CREBRF: variants seen among roughly 807,000 people sequenced by gnomAD.
The protein encoded by CREBRF is CREB3 regulatory factor.
Under a neutral mutation model 66.1 loss-of-function variants are expected in CREBRF, and 5 were observed. That is an observed-to-expected ratio of 0.08 (90% CI 0.04 to 0.16). The LOEUF is 0.16. Among genes scored for constraint, CREBRF ranks in the 10% least tolerant of loss-of-function variants. CREBRF has a pLI of 1.00. For missense variants in CREBRF, 531 were observed against 744.9 expected (o/e 0.71, Z 3.34); for synonymous variants, 229 against 264.4 (o/e 0.87, Z 1.30).
intron 7 of CREBRF, among the ~76,000 whole-genome samples, chr5:173,115,676 C>T (rs1444305828): frequency 6.6e-6 from 1 of 151,446 alleles, no homozygotes; most frequent in Non-Finnish European, 1.5e-5. Context: ...CTCGCTCTGT[C>T]GCCCAAGCTG....
Position 173,084,986 on chromosome 5 carries a change from A to G in CREBRF, c.10-1515A>G, listed in dbSNP as rs376129136. Among the ~76,000 whole-genome samples the G allele has an allele frequency of 2.0e-5, 3 of 151,434 alleles. No homozygotes were observed. In the East Asian group the frequency reaches 5.9e-4, roughly 30 times the overall value. On this transcript the variant is annotated intron_variant, in intron 2 of 8. Transcript: ENST00000296953. ...AGATGGAGTTTCGCTCTTGTTGCCC[A>G]GACTGGAGTGCAATGGCACAATTTC...
chr5:173,091,194 C>G lies in CREBRF; in HGVS notation c.1015C>G (p.Leu339Val), dbSNP rs1758325551. The G allele has an allele frequency of 1.2e-6, 2 of 1,614,084 alleles. No homozygotes were observed. The highest frequency in any genetic ancestry group is 1.7e-6 in the Non-Finnish European group (2 of 1,180,042). The change falls in exon 4 of 9, where the codon CTT (leucine) becomes GTT (valine). Residue 339 changes from leucine (L) to valine (V), a missense_variant. Physicochemically the swap from Leu to Val is conservative, Grantham distance 32. Around this residue, in one of 5 missense-constraint regions of CREBRF, gnomAD observed 309 missense variants for 341.4 expected, o/e 0.90. Transcript: ENST00000296953. ...GAAAAAAGAAGAGCACAATTATTCT[C>G]TTTTTGTCTCCGACAACTTGGGTGA... ...SQKKEEHNYS[L>V]FVSDNLGEQP...
At chr5:173,116,524 T>G (rs966799616) in intron 7 of CREBRF, among the ~76,000 whole-genome samples, 5 of 152,190 alleles carry the variant, frequency 3.3e-5, no homozygotes, top group Non-Finnish European at 5.9e-5. Context: ...AGCATAATTA[T>G]TTAAAAATTC....
At chr5:173,059,287 G>C (rs377650609) in intron 1 of CREBRF, among the ~76,000 whole-genome samples, 2 of 99,518 alleles carry the variant, frequency 2.0e-5, no homozygotes, top group East Asian at 4.8e-4. Flanking sequence ...TTTTTGAGAC[G>C]GAGTTTCGCC....
At position 173,091,259 on chromosome 5, in the gene CREBRF, C is replaced by G. The variant is rs758236862; in HGVS notation, c.1080C>G (p.Asp360Glu). 1.2e-6 allele frequency: 2 copies of G among 1,613,610 alleles called. No homozygotes were observed. The highest frequency in any genetic ancestry group is 2.2e-5 in the South Asian group (2 of 91,042). The change falls in exon 4 of 9, where the codon GAC becomes GAG. Residue 360 changes from aspartate to glutamate, a missense_variant. Around this residue, in one of 5 missense-constraint regions of CREBRF, gnomAD observed 309 missense variants for 341.4 expected, o/e 0.90. Coordinates refer to ENST00000296953, the MANE Select transcript of CREBRF (RefSeq NM_153607.3). The part of the protein sequence containing the change: ...TKCSPEEDEE[D>E]EEDVDDEDHD... ...GCAGTCCTGAAGAAGATGAGGAGGA[C>G]GAGGAGGATGTTGATGATGAGGACC...
At chr5:173,086,943 ATTTTG>A (rs1758166171) in intron 3 of CREBRF, among the ~76,000 whole-genome samples, 1 of 98,418 alleles carries the variant, frequency 1.0e-5, no homozygotes, top group African/African-American at 4.1e-5. Context: ...CATCCAACTA[ATTTTG>A]TTTTTTTTTT....
intron 4 of CREBRF, chr5:173,092,199 A>C: frequency 2.1e-6 from 2 of 957,572 alleles, no homozygotes; most frequent in Non-Finnish European, 2.5e-6. Context: ...GGTTTATATT[A>C]CTCATTCCAA....
At position 173,135,345 on chromosome 5, in the gene CREBRF, G is replaced by T. The variant is rs2113818724; in HGVS notation, c.*1600G>T. 1 of 152,466 alleles carries T rather than the reference G, an allele frequency of 6.6e-6. No individual in the cohort carries two copies. The highest frequency in any genetic ancestry group is 6.5e-5 in the Admixed American group (1 of 15,276). The allele number at this position is 152,466 out of a possible 1,614,324, so 9.4% of individuals were successfully genotyped here. A position where few individuals can be genotyped will look rare whatever the true frequency, so the allele number is the denominator to read the frequency against. On this transcript the variant is annotated 3_prime_UTR_variant, in exon 9 of 9. Coordinates refer to ENST00000296953, the MANE Select transcript of CREBRF (RefSeq NM_153607.3). Reference sequence around the variant, plus strand: ...TGCTCTTTTTTGCTCATATAAAACAGCTTCATTAGTCAGTGTTTTAACTGT... The same window carrying T: ...TGCTCTTTTTTGCTCATATAAAACATCTTCATTAGTCAGTGTTTTAACTGT...
At chr5:173,086,357 A>G (rs1758146807) in intron 2 of CREBRF, 144 bp from the exon 3 acceptor site, 1 of 732,642 alleles carries the variant, frequency 1.4e-6, no homozygotes. Context: ...AAGCTCTTAA[A>G]TATACTATAC....
chr5:173,100,850 C>CT (rs771815515), intron 4 of CREBRF, among the ~76,000 whole-genome samples: 1 of 152,122 alleles, frequency 6.6e-6, no homozygotes, highest in Non-Finnish European at 1.5e-5. Context: ...TTCTGGGAGT[C>CT]TTTTTTGTTT....
intron 4 of CREBRF, among the ~76,000 whole-genome samples, chr5:173,100,453 C>T (rs1758601669): frequency 6.6e-6 from 1 of 150,736 alleles, no homozygotes; most frequent in East Asian, 1.9e-4. Flanking sequence ...GAGATGGAGT[C>T]TCACTCTCTC....
intron 4 of CREBRF, among the ~76,000 whole-genome samples, chr5:173,101,014 T>G (rs879203887): frequency 1.3e-5 from 2 of 152,098 alleles, no homozygotes; most frequent in Admixed American, 1.3e-4. Context: ...TTTTTTTCAT[T>G]TGTGAAGGAC....
chr5:173,074,892 A>T (rs1176164584), intron 1 of CREBRF, among the ~76,000 whole-genome samples: 2 of 152,204 alleles, frequency 1.3e-5, no homozygotes, highest in Admixed American at 6.5e-5. Flanking sequence ...AAGTGTTGGG[A>T]TTACAGGCAT....
intron 1 of CREBRF, among the ~76,000 whole-genome samples, chr5:173,059,256 C>CTTTTTTTTTTTTTTTTTTTTT (rs780723745): frequency 1.7e-5 from 2 of 117,644 alleles, no homozygotes; most frequent in Non-Finnish European, 1.8e-5. Flanking sequence ...TCTTCTTTTT[C>CTTTTTTTTTTTTTTTTTTTTT]TTTTTTTTCT....
At chr5:173,063,722 C>A (rs749275255) in intron 1 of CREBRF, among the ~76,000 whole-genome samples, 38 of 149,840 alleles carry the variant, frequency 2.5e-4, no homozygotes, top group African/African-American at 3.4e-4. Context: ...AATTTTTGTT[C>A]TTTTTGACTT....
chr5:173,112,467 T>G, intron 7 of CREBRF, 88 bp downstream of exon 7: 1 of 932,334 alleles, frequency 1.1e-6, no homozygotes, highest in South Asian at 1.6e-5. Flanking sequence ...TTGCTTTCGC[T>G]GTATTCTGCC....
intron 1 of CREBRF, among the ~76,000 whole-genome samples, chr5:173,063,119 C>T (rs554606199): frequency 1.6e-3 from 242 of 152,230 alleles, no homozygotes; most frequent in African/African-American, 5.6e-3. Flanking sequence ...GAGTTTGACG[C>T]AGGGTGCGGC....
intron 4 of CREBRF, among the ~76,000 whole-genome samples, chr5:173,103,024 T>C (rs1006478986): frequency 1.3e-5 from 2 of 152,226 alleles, no homozygotes; most frequent in African/African-American, 4.8e-5. Context: ...CATTTTTATT[T>C]TCTCATCCCT....
chr5:173,127,852 C>T (rs1050562864), intron 8 of CREBRF, among the ~76,000 whole-genome samples: 19 of 152,112 alleles, frequency 1.2e-4, no homozygotes, highest in African/African-American at 4.6e-4. Context: ...AAATTACTTC[C>T]TCCTGGGCCT....
Sources: allele counts gnomAD v4.1 joint callset (sites outside exome capture counted in the v4.1 genomes callset), GRCh38; gene constraint gnomAD v4.1.1; regional missense constraint gnomAD v4.1.1; transcripts MANE v1.5; gene names NCBI Gene and HGNC (gene_info 2026-07-23, HGNC 2026-07-21).